Variants in CLMN observed in about 807,000 individuals in gnomAD.
CLMN encodes the protein calmin.
Under a neutral mutation model 92.7 loss-of-function variants are expected in CLMN, and 57 were observed. That is an observed-to-expected ratio of 0.61 (90% CI 0.50 to 0.77). The LOEUF (loss-of-function observed/expected upper bound fraction) is 0.77, where lower values mean the gene tolerates loss of function less well. CLMN is among the 30% of genes least tolerant of loss of function. CLMN has a pLI of 0.00. For missense variants in CLMN, 1,158 were observed against 1,237.5 expected, an observed-to-expected ratio of 0.94 and a Z score of 0.96; for synonymous variants, 466 against 470.6, an observed-to-expected ratio of 0.99 and a Z score of 0.13.
At chr14:95,197,837 CCCGGGAGAACA>C (rs149151750) in intron 9 of CLMN, among the ~76,000 whole-genome samples, 2,335 of 152,122 alleles carry the variant, frequency 0.015, 67 homozygotes, top group African/African-American at 0.053. Flanking sequence ...GCCATTGTGC[CCCGGGAGAACA>C]AAGCTCCATG....
intron 1 of CLMN, among the ~76,000 whole-genome samples, chr14:95,288,547 T>A (rs1263942791): frequency 6.6e-6 from 1 of 152,178 alleles, no homozygotes; most frequent in Non-Finnish European, 1.5e-5. Flanking sequence ...GATTGGCAGA[T>A]CCTATGCTTA....
intron 3 of CLMN, among the ~76,000 whole-genome samples, chr14:95,222,756 G>A (rs537008913): frequency 2.0e-5 from 3 of 152,326 alleles, no homozygotes; most frequent in East Asian, 1.9e-4. Context: ...AGCCCTCTGC[G>A]GGTGCCGCTA....
intron 1 of CLMN, among the ~76,000 whole-genome samples, chr14:95,245,222 AT>A (rs1898465357): frequency 6.0e-5 from 2 of 33,418 alleles, no homozygotes; most frequent in South Asian, 8.8e-4. Context: ...ATATATATAT[AT>A]ATTATATATA....
chr14:95,209,343 A>G (rs1897130411), intron 8 of CLMN, 52 bp downstream of exon 8: 2 of 1,544,026 alleles, frequency 1.3e-6, no homozygotes, highest in South Asian at 2.2e-5. Flanking sequence ...TCTGATGGCC[A>G]GCGGATGGAA....
At chr14:95,279,972 G>GT (rs76975914) in intron 1 of CLMN, among the ~76,000 whole-genome samples, 17,599 of 145,276 alleles carry the variant, frequency 0.12, 1,162 homozygotes, top group South Asian at 0.17. Context: ...ATATGTTGTT[G>GT]TTTTTTTTTT....
chr14:95,202,089 A>G (rs1256866853), intron 9 of CLMN, among the ~76,000 whole-genome samples: 1 of 152,204 alleles, frequency 6.6e-6, no homozygotes, highest in Non-Finnish European at 1.5e-5. Flanking sequence ...TCCTTTGGGC[A>G]TATACCTCGT....
At position 95,218,222 on chromosome 14, in the gene CLMN, G is replaced by A. The variant is rs147967906; in HGVS notation, c.325-2489C>T. 4.7e-3 allele frequency among the ~76,000 whole-genome samples: 713 copies of A among 152,292 alleles called. 5 individuals carry two copies. The highest frequency in any genetic ancestry group is 0.017 in the African/African-American group (689 of 41,548). ...ATGTAGGGTGATAACTCAGGGGCCT[G>A]GTAAGTGATGACAGCCATCCCGAGA... On this transcript the variant is annotated intron_variant, in intron 4 of 12. Transcript: ENST00000298912.
At chr14:95,237,300 AG>A (rs1898087910) in intron 1 of CLMN, among the ~76,000 whole-genome samples, 1 of 152,238 alleles carries the variant, frequency 6.6e-6, no homozygotes, top group Non-Finnish European at 1.5e-5. Context: ...AAGCGCCTTT[AG>A]ACAAGTAGAC....
chr14:95,285,984 T>C (rs1900326662), intron 1 of CLMN, among the ~76,000 whole-genome samples: 1 of 152,124 alleles, frequency 6.6e-6, no homozygotes, highest in African/African-American at 2.4e-5. Flanking sequence ...TGCAAGATCA[T>C]CTCTGACCTA....
At chr14:95,213,130 TG>T in intron 6 of CLMN, 88 bp downstream of exon 6, 1 of 1,404,618 alleles carries the variant, frequency 7.1e-7, no homozygotes, top group Non-Finnish European at 9.9e-7. Context: ...CATACATAAC[TG>T]GCACCTTAAT....
At chr14:95,215,048 T>C (rs1242973449) in intron 5 of CLMN, among the ~76,000 whole-genome samples, 1 of 152,218 alleles carries the variant, frequency 6.6e-6, no homozygotes, top group Non-Finnish European at 1.5e-5. Context: ...GGCACGTGTA[T>C]ACCTATGTAA....
In CLMN at chr14:95,197,153, G is replaced by A. The variant is rs185804790; in HGVS notation, c.2512-459C>T. On this transcript the variant is annotated intron_variant, in intron 9 of 12. Transcript: ENST00000298912. Reference sequence around the variant, plus strand: ...GGTCCCAACTACTCGGGAGGTGGAGGTGGGAGGATTGCTTGGGCCTGGGAG... The same window carrying A: ...GGTCCCAACTACTCGGGAGGTGGAGATGGGAGGATTGCTTGGGCCTGGGAG... Among the ~76,000 whole-genome samples the A allele has an allele frequency of 7.9e-4, 121 of 152,232 alleles. 1 individual carries two copies. The highest frequency in any genetic ancestry group is 7.6e-3 in the Admixed American group (117 of 15,296).
chr14:95,259,183 GC>G lies in CLMN; in HGVS notation c.83-29051del, dbSNP rs377425351. ...GCTGCATGGCAGGCTGGAGCGGAGA[GC>G]TGTGCCGGCCAGCAGGGCTAGGAAA... On this transcript the variant is annotated intron_variant, in intron 1 of 12. Transcript: ENST00000298912. This position sits in a 1 kb window ranked among gnomAD's most constrained non-coding sequence, Gnocchi z 4.3. Among the ~76,000 whole-genome samples the G allele has an allele frequency of 1.1e-3, 160 of 152,184 alleles. No individual in the cohort carries two copies. The highest frequency in any genetic ancestry group is 3.8e-3 in the African/African-American group (156 of 41,490).
intron 1 of CLMN, among the ~76,000 whole-genome samples, chr14:95,288,181 T>A (rs1232610286): frequency 6.6e-6 from 1 of 152,206 alleles, no homozygotes; most frequent in Non-Finnish European, 1.5e-5. Flanking sequence ...AAGACCTGTA[T>A]CCTAAGGCAG....
chr14:95,214,500 C>T (rs1273196667), intron 5 of CLMN, among the ~76,000 whole-genome samples: 1 of 152,020 alleles, frequency 6.6e-6, no homozygotes, highest in African/African-American at 2.4e-5. Context: ...CAGGCACACA[C>T]CACCATGCCT....
In CLMN at chr14:95,185,888, T is replaced by C. The variant is rs1304329125; in HGVS notation, c.*5676A>G. 1 of 152,230 alleles carries C rather than the reference T, an allele frequency of 6.6e-6. No individual in the cohort carries two copies. The highest frequency in any genetic ancestry group is 1.5e-5 in the Non-Finnish European group (1 of 68,052). 9.4% of individuals were successfully genotyped at this position (152,230 alleles called of 1,614,324 possible). A position where few individuals can be genotyped will look rare whatever the true frequency, so the allele number is the denominator to read the frequency against. On this transcript the variant is annotated 3_prime_UTR_variant, in exon 13 of 13. Transcript: ENST00000298912. ...GTCATACAACTGCCTTCCAATGGCA[T>C]GACCACGGAAGGAGAACAGCTCCTC...
intron 9 of CLMN, among the ~76,000 whole-genome samples, chr14:95,199,742 G>C (rs1896823370): frequency 1.3e-5 from 2 of 151,748 alleles, no homozygotes; most frequent in South Asian, 4.2e-4. Context: ...AGGTCGGAGG[G>C]CTTCTGGGAG....
intron 1 of CLMN, among the ~76,000 whole-genome samples, chr14:95,284,588 G>A (rs1302380264): frequency 1.3e-5 from 2 of 152,168 alleles, no homozygotes; most frequent in African/African-American, 4.8e-5. Flanking sequence ...TCTTGCATCA[G>A]CATGATCTGG....
At chr14:95,247,485 A>C (rs1050031253) in intron 1 of CLMN, among the ~76,000 whole-genome samples, 2 of 152,140 alleles carry the variant, frequency 1.3e-5, no homozygotes, top group Non-Finnish European at 2.9e-5. Flanking sequence ...TGGTTGTCGG[A>C]TCTCTGCTGC....
Sources: allele counts gnomAD v4.1 joint callset (sites outside exome capture counted in the v4.1 genomes callset), GRCh38; gene constraint gnomAD v4.1.1; non-coding constraint Gnocchi (gnomAD v3.1); transcripts MANE v1.5; gene names NCBI Gene and HGNC (gene_info 2026-07-23, HGNC 2026-07-21).